BTNL9: variants seen among roughly 807,000 people sequenced by gnomAD.
BTNL9 encodes butyrophilin like 9.
Under a neutral mutation model 45.8 loss-of-function variants are expected in BTNL9, and 45 were observed. The observed-to-expected ratio is 0.98, with a 90% CI of 0.77 to 1.26. The LOEUF is 1.26. Ranked by LOEUF, BTNL9 falls within the 50% of genes most tolerant of loss-of-function variation. The pLI is 0.00. For synonymous variants in BTNL9, 346 were observed against 330.8 expected (o/e 1.05, Z -0.50); for missense variants, 784 against 729.7 (o/e 1.07, Z -0.86).
chr5:181,051,645 T>C (rs1327115699), intron 4 of BTNL9, among the ~76,000 whole-genome samples: 1 of 152,106 alleles, frequency 6.6e-6, no homozygotes, highest in Non-Finnish European at 1.5e-5. Flanking sequence ...GTGCTCTCTC[T>C]TTTATGTTTA....
chr5:181,052,896 G>GGACGCGGGGCGAGGGCGGGGA (rs1761628020), intron 4 of BTNL9: 1 of 143,950 alleles, frequency 6.9e-6, no homozygotes, highest in African/African-American at 2.6e-5. Context: ...TCCCGCCTGC[G>GGACGCGGGGCGAGGGCGGGGA]GACGCGGGGC....
chr5:181,049,832 G>C (rs915667983), intron 3 of BTNL9, among the ~76,000 whole-genome samples: 1 of 152,160 alleles, frequency 6.6e-6, no homozygotes, highest in African/African-American at 2.4e-5. Flanking sequence ...TTAAATGCCA[G>C]GAGCCCTTCC....
chr5:181,056,379 G>A (rs1761882489), intron 9 of BTNL9, among the ~76,000 whole-genome samples: 1 of 152,140 alleles, frequency 6.6e-6, no homozygotes, highest in African/African-American at 2.4e-5. Flanking sequence ...ATATATTCTT[G>A]CAAAATGTGA....
At position 181,050,746 on chromosome 5, in the gene BTNL9, G is replaced by C. The variant is rs1269222965; in HGVS notation, c.736+377G>C. Among the ~76,000 whole-genome samples the C allele has an allele frequency of 6.6e-6, 1 of 152,196 alleles. No individual in the cohort carries two copies. The highest frequency in any genetic ancestry group is 1.9e-4 in the East Asian group (1 of 5,194). On this transcript the variant is annotated intron_variant, in intron 4 of 10. Transcript: ENST00000327705. This position sits in a 1 kb window ranked among gnomAD's most constrained non-coding sequence, Gnocchi z 4.9. ...CCCTCAGGTCCCCATGCCAGTGGGG[G>C]ATACAGACAATAAGCAAAAGAAGTG...
At chr5:181,058,487 TG>T in intron 10 of BTNL9, 109 bp downstream of exon 10, 2 of 1,445,278 alleles carry the variant, frequency 1.4e-6, no homozygotes, top group Non-Finnish European at 1.9e-6. Context: ...GAGCCAAGTA[TG>T]GGGCCTGCAC....
At position 181,048,843 on chromosome 5, in the gene BTNL9, A is replaced by G. The variant is rs960098119; in HGVS notation, c.454+572A>G. On this transcript the variant is annotated intron_variant, in intron 3 of 10. Transcript: ENST00000327705. Reference sequence around the variant, plus strand: ...TTATATAATATTATATAATTATATTAGTTATATAATATTATATAATTATAT... The same window carrying G: ...TTATATAATATTATATAATTATATTGGTTATATAATATTATATAATTATAT... Among the ~76,000 whole-genome samples, 429 of 137,320 alleles carry G rather than the reference A, an allele frequency of 3.1e-3. 2 individuals are homozygous for G. The highest frequency in any genetic ancestry group is 0.012 in the African/African-American group (415 of 35,862). The allele number at this position is 137,320 out of a possible 152,430, so 90.1% of individuals were successfully genotyped here.
rs754138968 is a variant in BTNL9 at position 181,056,043 on chromosome 5, C to T, written c.955+28C>T. ...GAGTGGAACCCATCTCTCTCTGACT[C>T]CTCCTCATTTATATCTGAGCACCCC... On this transcript the variant is annotated intron_variant, in intron 9 of 10. Coordinates refer to ENST00000327705, the MANE Select transcript of BTNL9 (RefSeq NM_152547.5). 2.5e-5 allele frequency: 40 copies of T among 1,613,324 alleles called. No homozygotes were observed. The African/African-American group carries it at 4.5e-4, about 18-fold the overall frequency.
intron 6 of BTNL9, chr5:181,054,002 G>A: frequency 1.3e-6 from 2 of 1,537,462 alleles, no homozygotes; most frequent in Non-Finnish European, 1.7e-6. Flanking sequence ...TTTCACACTA[G>A]CAGGAGGGAG....
intron 10 of BTNL9, 128 bp from the exon 11 acceptor site, chr5:181,059,109 G>A (rs989531093): frequency 4.1e-5 from 57 of 1,386,618 alleles, no homozygotes; most frequent in Non-Finnish European, 5.2e-5. Flanking sequence ...CAGGGGTGAG[G>A]GTCGGGGTAA....
Position 181,055,880 on chromosome 5 carries a change from A to G in BTNL9, c.929-109A>G, listed in dbSNP as rs1036663928. ...TGCCCAGGCAGGACCCCTGCTGGCT[A>G]TGTGGGTGGTGGGGGGTGCGGGACA... On this transcript the variant is annotated intron_variant, in intron 8 of 10. Coordinates refer to ENST00000327705, the MANE Select transcript of BTNL9 (RefSeq NM_152547.5). This position sits in a 1 kb window ranked among gnomAD's most constrained non-coding sequence, Gnocchi z 4.4. The G allele has an allele frequency of 4.7e-6, 6 of 1,265,132 alleles. No individual in the cohort carries two copies. The highest frequency in any genetic ancestry group is 7.0e-6 in the Non-Finnish European group (6 of 862,004). The allele number at this position is 1,265,132 out of a possible 1,614,324, so 78.4% of individuals were successfully genotyped here. A position where few individuals can be genotyped will look rare whatever the true frequency, so the allele number is the denominator to read the frequency against.
In BTNL9 at chr5:181,059,517, G is replaced by A. The variant is rs1762059126; in HGVS notation, c.1263G>A (p.Val421=). The part of the protein sequence containing the change: ...ARLSPAAGYW[V]LGLWNGCEYF... ...TGAGCCCTGCGGCCGGCTACTGGGT[G>A]CTGGGGCTGTGGAACGGCTGCGAGT... Residue 421 remains valine, a synonymous_variant, in exon 11 of 11, where the codon GTG becomes GTA. Transcript: ENST00000327705. 1.2e-6 allele frequency: 2 copies of A among 1,601,978 alleles called. No individual in the cohort carries two copies. Among genetic ancestry groups the A allele is most frequent in the Non-Finnish European group, 1.7e-6 (2 of 1,176,846 alleles).
intron 9 of BTNL9, chr5:181,056,637 C>T (rs568855999): frequency 2.9e-5 from 21 of 717,090 alleles, no homozygotes; most frequent in South Asian, 4.4e-5. Flanking sequence ...TGTTGCCTTA[C>T]GGCGCTGTGT....
chr5:181,055,733 C>T lies in BTNL9; in HGVS notation c.929-256C>T. The T allele has an allele frequency of 1.4e-6, 1 of 699,262 alleles. No homozygotes were observed. Among genetic ancestry groups the T allele is most frequent in the Non-Finnish European group, 2.6e-6 (1 of 385,394 alleles). 43.3% of individuals were successfully genotyped at this position (699,262 alleles called of 1,614,324 possible). ...GCAGTGAGCCGAGATGGCGCCACTG[C>T]ACTCCAGCCTGGGCGACAGAGCGAG... On this transcript the variant is annotated intron_variant, in intron 8 of 10. Coordinates refer to ENST00000327705, the MANE Select transcript of BTNL9 (RefSeq NM_152547.5). The surrounding 1 kb of genome is among the most constrained non-coding windows in gnomAD (Gnocchi z 4.4).
At chr5:181,056,555 A>C (rs1422395393) in intron 9 of BTNL9, 1 of 717,426 alleles carries the variant, frequency 1.4e-6, no homozygotes, top group African/African-American at 1.7e-5. Context: ...CGTTTTAGCC[A>C]GCCACCCTCC....
In BTNL9 at chr5:181,055,587, G is replaced by GTCTCTTC; in HGVS notation, c.928+135_928+136insCTCTTCT. On this transcript the variant is annotated intron_variant, in intron 8 of 10. Transcript: ENST00000327705. The surrounding 1 kb of genome is among the most constrained non-coding windows in gnomAD (Gnocchi z 4.4). ...GATCGAGACCAGCCTGGCTAACACA[G>GTCTCTTC]TGAAACCCCGTCTCTTCTAAAAATA... 2.0e-6 allele frequency: 2 copies of GTCTCTTC among 1,022,266 alleles called. No individual in the cohort carries two copies. Among genetic ancestry groups the GTCTCTTC allele is most frequent in the Non-Finnish European group, 3.0e-6 (2 of 660,700 alleles). The allele number at this position is 1,022,266 out of a possible 1,614,324, so 63.3% of individuals were successfully genotyped here.
chr5:181,051,631 G>A (rs1427175875), intron 4 of BTNL9, among the ~76,000 whole-genome samples: 2 of 152,120 alleles, frequency 1.3e-5, no homozygotes, highest in Non-Finnish European at 2.9e-5. Flanking sequence ...GGATCTCCAC[G>A]GCAGTGCTCT....
chr5:181,054,216 C>CTTTTT, intron 6 of BTNL9, 23 bp from the exon 7 acceptor site: 9 of 1,552,756 alleles, frequency 5.8e-6, no homozygotes, highest in Admixed American at 5.5e-5. Context: ...TTTTCTTCAT[C>CTTTTT]TTTTTTTTTT....
chr5:181,059,867 C>T lies in BTNL9; in HGVS notation c.*5C>T, dbSNP rs1455915691. Reference sequence around the variant, plus strand: ...CCCGCCCTGGACTGGTGGTGAGGCGCCCTCGTGGCCGCGGGACTGGCCCCG... The same window carrying T: ...CCCGCCCTGGACTGGTGGTGAGGCGTCCTCGTGGCCGCGGGACTGGCCCCG... On this transcript the variant is annotated 3_prime_UTR_variant, in exon 11 of 11. Transcript: ENST00000327705. The T allele has an allele frequency of 1.3e-6, 2 of 1,536,590 alleles. No homozygotes were observed. Among genetic ancestry groups the T allele is most frequent in the African/African-American group, 1.4e-5 (1 of 70,664 alleles).
At position 181,050,452 on chromosome 5, in the gene BTNL9, A is replaced by G; in HGVS notation, c.736+83A>G. The G allele has an allele frequency of 6.8e-7, 1 of 1,472,090 alleles. No homozygotes were observed. Among genetic ancestry groups the G allele is most frequent in the Non-Finnish European group, 9.3e-7 (1 of 1,072,046 alleles). The allele number at this position is 1,472,090 out of a possible 1,614,324, so 91.2% of individuals were successfully genotyped here. ...GCCCAAAGGCAGTCTATAAAGACAC[A>G]ATGGTACTGCGCCTGTCTGCATATA... is the stretch of plus-strand genomic sequence containing the variant. On this transcript the variant is annotated intron_variant, in intron 4 of 10. Transcript: ENST00000327705. The surrounding 1 kb of genome is among the most constrained non-coding windows in gnomAD (Gnocchi z 4.9).
Sources: gnomAD v4.1 joint callset for allele counts (sites outside exome capture counted in the v4.1 genomes callset) on GRCh38, gnomAD v4.1.1 for gene constraint, Gnocchi (gnomAD v3.1) non-coding constraint, MANE v1.5 for transcripts, NCBI Gene and HGNC (gene_info 2026-07-23, HGNC 2026-07-21) for gene names.